TMCO1: variants seen among roughly 807,000 people sequenced by gnomAD.
TMCO1 encodes the protein calcium load-activated calcium channel.
TMCO1 carries 29 observed loss-of-function variants against 29.3 expected under a neutral mutation model. That is an observed-to-expected ratio of 0.99 (90% CI 0.74 to 1.35). TMCO1 has a LOEUF of 1.35. TMCO1 is among the 40% of genes most tolerant of loss of function. The probability of loss-of-function intolerance (pLI) is 0.00; values close to 1 mark genes in which losing one functional copy is unlikely to be tolerated. For missense variants in TMCO1, 173 were observed against 225.5 expected (o/e 0.77, Z 1.49); for synonymous variants, 80 against 77.1 (o/e 1.04, Z -0.20).
intron 6 of TMCO1, among the ~76,000 whole-genome samples, chr1:165,738,973 T>A (rs534050870): frequency 6.6e-6 from 1 of 152,116 alleles, no homozygotes; most frequent in Non-Finnish European, 1.5e-5. Flanking sequence ...GAGAAGGCAC[T>A]CTCTATGAAC....
At position 165,758,999 on chromosome 1, in the gene TMCO1, A is replaced by G. The variant is rs1420441056; in HGVS notation, c.208+526T>C. Reference sequence around the variant, plus strand: ...AATGTATAAAAACAAATCATATACAATCCTTTACGAATTGTCTTTTGGAAA... The same window carrying G: ...AATGTATAAAAACAAATCATATACAGTCCTTTACGAATTGTCTTTTGGAAA... On this transcript the variant is annotated intron_variant, in intron 3 of 6. Coordinates refer to ENST00000367881, the MANE Select transcript of TMCO1 (RefSeq NM_019026.6). 2.6e-5 allele frequency among the ~76,000 whole-genome samples: 4 copies of G among 152,246 alleles called. No individual in the cohort carries two copies. In the East Asian group the frequency reaches 5.8e-4, roughly 22 times the overall value.
chr1:165,724,520 A>G (rs1294448467), downstream of TMCO1: 3 of 454,022 alleles, frequency 6.6e-6, no homozygotes, highest in Admixed American at 2.3e-5. Flanking sequence ...CTTCAGCATC[A>G]CCTGGGAATT....
chr1:165,756,368 C>G (rs1652192556), intron 3 of TMCO1, among the ~76,000 whole-genome samples: 1 of 152,102 alleles, frequency 6.6e-6, no homozygotes, highest in African/African-American at 2.4e-5. Context: ...AAGACTTGCT[C>G]TGCTTGCAGG....
intron 3 of TMCO1, among the ~76,000 whole-genome samples, chr1:165,758,612 TATC>T (rs1408468578): frequency 2.0e-5 from 3 of 152,066 alleles, no homozygotes; most frequent in African/African-American, 7.2e-5. Context: ...AAAAAGTACT[TATC>T]ATCCTGCATA....
intron 6 of TMCO1, among the ~76,000 whole-genome samples, chr1:165,740,107 G>C (rs1429534127): frequency 6.6e-6 from 1 of 151,998 alleles, no homozygotes; most frequent in Admixed American, 6.6e-5. Context: ...GTGAGATTCT[G>C]TCTCAAAATA....
chr1:165,767,632 G>A (rs1652619991), intron 2 of TMCO1, among the ~76,000 whole-genome samples: 1 of 151,994 alleles, frequency 6.6e-6, no homozygotes, highest in Non-Finnish European at 1.5e-5. Context: ...GAACTGCAAG[G>A]CCATCAGCAT....
chr1:165,767,414 CT>C (rs1389584729), intron 2 of TMCO1, among the ~76,000 whole-genome samples: 1 of 152,102 alleles, frequency 6.6e-6, no homozygotes, highest in Admixed American at 6.5e-5. Flanking sequence ...TAATCTTTTC[CT>C]TAAACACCTC....
rs1242761857 is a variant in TMCO1, at chr1:165,759,510, A to G, written c.208+15T>C. 2.5e-6 allele frequency: 4 copies of G among 1,597,950 alleles called. No homozygotes were observed. In the African/African-American group the frequency reaches 4.0e-5, roughly 16 times the overall value. On this transcript the variant is annotated intron_variant, in intron 3 of 6. Coordinates refer to ENST00000367881, the MANE Select transcript of TMCO1 (RefSeq NM_019026.6). ...AGAAAACCCAAATTTCATTTTGACT[A>G]ATATCTCATCTTACCTATTTTCTTT...
Position 165,734,619 on chromosome 1 carries a change from C to A in TMCO1, c.469-6498G>T, listed in dbSNP as rs537208992. 1.3e-4 allele frequency among the ~76,000 whole-genome samples: 20 copies of A among 152,244 alleles called. No individual in the cohort carries two copies. In the South Asian group the frequency reaches 2.9e-3, roughly 22 times the overall value. ...CCTCCTGAGTTCAAGCAATTCTCTT[C>A]CTTAGCCTCCCAAGTAGCTGGGATT... On this transcript the variant is annotated intron_variant, in intron 6 of 6. Transcript: ENST00000367881.
rs764547811 is a variant in TMCO1, at chr1:165,743,316, AAG to A, written c.324-7_324-6del. 2 of 1,610,164 alleles carry A rather than the reference AAG, an allele frequency of 1.2e-6. No homozygotes were observed. Among genetic ancestry groups the A allele is most frequent in the South Asian group, 1.1e-5 (1 of 89,892 alleles). On this transcript the variant is annotated splice_region_variant and splice_polypyrimidine_tract_variant and intron_variant, in intron 5 of 6. Coordinates refer to ENST00000367881, the MANE Select transcript of TMCO1 (RefSeq NM_019026.6). The stretch of plus-strand genomic sequence containing the variant: ...GCCACCACTCTACCATCAAATCTAA[AAG>A]AAAAAAAAAAAAAAAGAATTGTTAT...
chr1:165,725,792 GT>G (rs1194631061), downstream of TMCO1: 11 of 458,802 alleles, frequency 2.4e-5, no homozygotes, highest in Admixed American at 1.2e-4. Context: ...TCTTGTGATA[GT>G]TTTATTTCCT....
downstream of TMCO1, chr1:165,724,625 T>G (rs1331400955): frequency 2.2e-6 from 1 of 454,054 alleles, no homozygotes; most frequent in Non-Finnish European, 4.4e-6. Flanking sequence ...AAGGCTCTAG[T>G]GATTCTGATA....
At chr1:165,746,482 C>T (rs1651805051) in intron 5 of TMCO1, among the ~76,000 whole-genome samples, 1 of 151,376 alleles carries the variant, frequency 6.6e-6, no homozygotes. Context: ...CACACACACA[C>T]ACACACAGCA....
chr1:165,725,636 C>G (rs1230816389), downstream of TMCO1: 1 of 454,066 alleles, frequency 2.2e-6, no homozygotes, highest in Non-Finnish European at 4.4e-6. Flanking sequence ...AGAGGCCTGT[C>G]TTGAAATGTC....
At chr1:165,734,996 T>G (rs1651313450) in intron 6 of TMCO1, among the ~76,000 whole-genome samples, 3 of 152,236 alleles carry the variant, frequency 2.0e-5, no homozygotes, top group Admixed American at 1.3e-4. Context: ...ATAAAAATTC[T>G]GAAAGATAAG....
At chr1:165,726,356 G>A (rs141449890), downstream of TMCO1, 7,980 of 673,170 alleles carry the variant, frequency 0.012, 210 homozygotes, top group Admixed American at 0.051. Context: ...GTAATAAGGA[G>A]AACAAAAAAA....
At chr1:165,724,379 GC>G (rs1402246582), downstream of TMCO1, 1 of 454,062 alleles carries the variant, frequency 2.2e-6, no homozygotes, top group South Asian at 1.6e-5. Flanking sequence ...GAAAAAACCA[GC>G]ATGCTATCAC....
intron 2 of TMCO1, among the ~76,000 whole-genome samples, chr1:165,762,868 T>C (rs1258324155): frequency 6.6e-6 from 1 of 152,228 alleles, no homozygotes; most frequent in African/African-American, 2.4e-5. Flanking sequence ...AAGTTATATA[T>C]ACTGTATTTT....
At chr1:165,741,848 C>T (rs1287644670) in intron 6 of TMCO1, among the ~76,000 whole-genome samples, 2 of 152,198 alleles carry the variant, frequency 1.3e-5, no homozygotes, top group Non-Finnish European at 2.9e-5. Context: ...CTTGTTCCTA[C>T]TCTTGCCATG....
Sources: allele counts gnomAD v4.1 joint callset (sites outside exome capture counted in the v4.1 genomes callset), GRCh38; gene constraint gnomAD v4.1.1; transcripts MANE v1.5; gene names NCBI Gene and HGNC (gene_info 2026-07-23, HGNC 2026-07-21).